Variants in CNTN1 observed in about 807,000 individuals in gnomAD.
The protein encoded by CNTN1 is contactin 1, also known as contactin-1.
A neutral mutation model predicts 126.4 loss-of-function variants in CNTN1; 38 were observed. The observed-to-expected ratio is 0.30, with a 90% CI of 0.23 to 0.39. The LOEUF (loss-of-function observed/expected upper bound fraction) is 0.39, where lower values mean the gene tolerates loss of function less well. CNTN1 is among the 10% of genes least tolerant of loss of function. The probability of loss-of-function intolerance (pLI) is 1.00; values close to 1 mark genes in which losing one functional copy is unlikely to be tolerated. For missense variants in CNTN1, 1,009 were observed against 1,248.4 expected (o/e 0.81, Z 2.89); for synonymous variants, 413 against 422.6 (o/e 0.98, Z 0.28).
At chr12:40,707,046 G>GCGCA (rs1381751022) in intron 1 of CNTN1, among the ~76,000 whole-genome samples, 2 of 149,316 alleles carry the variant, frequency 1.3e-5, no homozygotes, top group African/African-American at 5.0e-5. Flanking sequence ...GCGCGCTTGC[G>GCGCA]CACACACACA....
At chr12:40,794,756 G>A (rs1384063961) in intron 1 of CNTN1, among the ~76,000 whole-genome samples, 1 of 152,022 alleles carries the variant, frequency 6.6e-6, no homozygotes, top group African/African-American at 2.4e-5. Flanking sequence ...CATTGGGAAG[G>A]AGTGATTGGG....
At chr12:40,718,608 A>G (rs1942110334) in intron 1 of CNTN1, among the ~76,000 whole-genome samples, 1 of 152,194 alleles carries the variant, frequency 6.6e-6, no homozygotes, top group Non-Finnish European at 1.5e-5. Flanking sequence ...GGAAGCCTCT[A>G]GGGGCAATGA....
chr12:41,069,007 A>T (rs567625602), intron 23 of CNTN1, among the ~76,000 whole-genome samples: 40 of 152,134 alleles, frequency 2.6e-4, no homozygotes, highest in African/African-American at 4.8e-4. Context: ...AATAATAATT[A>T]ATTTATTTAA....
intron 1 of CNTN1, among the ~76,000 whole-genome samples, chr12:40,906,922 C>T (rs112242135): frequency 0.023 from 3,509 of 152,164 alleles, 125 homozygotes; most frequent in African/African-American, 0.077. Flanking sequence ...AGGTGATCTA[C>T]GAGCTTCAGC....
chr12:40,918,075 G>A (rs1312044641), intron 3 of CNTN1, among the ~76,000 whole-genome samples: 4 of 152,208 alleles, frequency 2.6e-5, no homozygotes, highest in African/African-American at 7.2e-5. Flanking sequence ...AGACAACCCA[G>A]GAGAATGATG....
At chr12:40,696,765 ATATCT>A (rs1264616983) in intron 1 of CNTN1, among the ~76,000 whole-genome samples, 3 of 152,328 alleles carry the variant, frequency 2.0e-5, no homozygotes, top group South Asian at 2.1e-4. Flanking sequence ...ATTGAAAATA[ATATCT>A]TATTATTATA....
intron 14 of CNTN1, among the ~76,000 whole-genome samples, chr12:40,946,585 T>C (rs1235028413): frequency 6.6e-6 from 1 of 152,108 alleles, no homozygotes; most frequent in Non-Finnish European, 1.5e-5. Context: ...TTTTGGTAGC[T>C]ATTACAGTTA....
intron 16 of CNTN1, among the ~76,000 whole-genome samples, chr12:40,985,463 T>C (rs1316211485): frequency 6.6e-6 from 1 of 152,138 alleles, no homozygotes; most frequent in African/African-American, 2.4e-5. Context: ...ATTTCATCTT[T>C]AAGTATTATT....
Position 40,778,316 on chromosome 12 carries a change from T to C in CNTN1, c.-77+85724T>C, listed in dbSNP as rs1939666699. On this transcript the variant is annotated intron_variant, in intron 1 of 23. Transcript: ENST00000551295. ...CCAACCCCTGTACTGTTTTTGTAAA[T>C]AAAGTTTTATTGGAACATAGCCACA... Among the ~76,000 whole-genome samples the C allele has an allele frequency of 2.0e-5, 3 of 151,854 alleles. No homozygotes were observed. In the Admixed American group the frequency reaches 2.0e-4, roughly 10 times the overall value.
At chr12:40,754,743 T>C (rs907826044) in intron 1 of CNTN1, among the ~76,000 whole-genome samples, 3 of 152,122 alleles carry the variant, frequency 2.0e-5, no homozygotes, top group African/African-American at 7.2e-5. Flanking sequence ...TTTTAAAAAT[T>C]AAATCTACCT....
At chr12:40,995,400 AT>A (rs200096884) in intron 17 of CNTN1, among the ~76,000 whole-genome samples, 120 of 149,622 alleles carry the variant, frequency 8.0e-4, no homozygotes, top group African/African-American at 8.5e-4. Context: ...GAGAGGCTAC[AT>A]TTTTTTTTTG....
At chr12:40,811,798 T>C (rs1398183808) in intron 1 of CNTN1, among the ~76,000 whole-genome samples, 1 of 146,246 alleles carries the variant, frequency 6.8e-6, no homozygotes, top group African/African-American at 2.5e-5. Flanking sequence ...TTCCTTCGTC[T>C]CACTGAAGGT....
chr12:40,995,627 G>A (rs933656065), intron 17 of CNTN1, among the ~76,000 whole-genome samples: 17 of 152,002 alleles, frequency 1.1e-4, no homozygotes, highest in Admixed American at 3.3e-4. Context: ...CCCATCTGAT[G>A]TGCTTACAAA....
At chr12:40,937,794 C>A (rs1362781350) in intron 11 of CNTN1, 107 bp downstream of exon 11, 1 of 772,870 alleles carries the variant, frequency 1.3e-6, no homozygotes, top group Non-Finnish European at 2.3e-6. Context: ...GTTAGGTGTA[C>A]AACATATGTT....
intron 1 of CNTN1, among the ~76,000 whole-genome samples, chr12:40,863,552 C>T (rs1464125847): frequency 1.3e-5 from 2 of 152,090 alleles, no homozygotes; most frequent in Non-Finnish European, 2.9e-5. Flanking sequence ...AGTCCCCAGC[C>T]CCTGGGCAGT....
At chr12:40,748,260 A>ACTTCTT in intron 1 of CNTN1, among the ~76,000 whole-genome samples, 1 of 152,114 alleles carries the variant, frequency 6.6e-6, no homozygotes, top group South Asian at 2.1e-4. Context: ...AGGGTTGAAG[A>ACTTCTT]AGGTAGAATG....
chr12:40,910,882 A>G (rs546862128), intron 3 of CNTN1, among the ~76,000 whole-genome samples: 1 of 152,194 alleles, frequency 6.6e-6, no homozygotes, highest in Non-Finnish European at 1.5e-5. Flanking sequence ...AGAATGAAAA[A>G]TCATGAAGAA....
chr12:40,878,238 C>A (rs1450770333), intron 1 of CNTN1, among the ~76,000 whole-genome samples: 2 of 151,224 alleles, frequency 1.3e-5, no homozygotes, highest in Admixed American at 6.6e-5. Flanking sequence ...CTCAGGTGAT[C>A]GCCGGCCTCA....
chr12:40,984,243 A>G (rs1018674135), intron 16 of CNTN1, among the ~76,000 whole-genome samples: 5 of 151,988 alleles, frequency 3.3e-5, no homozygotes, highest in South Asian at 2.1e-4. Flanking sequence ...TGTCTGTTAT[A>G]TTATCCTTTA....
Sources: allele counts gnomAD v4.1 joint callset (sites outside exome capture counted in the v4.1 genomes callset), GRCh38; gene constraint gnomAD v4.1.1; transcripts MANE v1.5; gene names NCBI Gene and HGNC (gene_info 2026-07-23, HGNC 2026-07-21).